CNOT4: variants seen among roughly 807,000 people sequenced by gnomAD.
The protein encoded by CNOT4 is CCR4-associated factor 4.
Under a neutral mutation model 73.8 loss-of-function variants are expected in CNOT4, and 8 were observed. The ratio of observed to expected loss-of-function variants is 0.11; its 90% confidence interval spans 0.06 to 0.20. The LOEUF is 0.20. CNOT4 is among the 10% of genes least tolerant of loss of function. CNOT4 has a pLI of 1.00. For synonymous variants in CNOT4, 293 were observed against 321.1 expected, an observed-to-expected ratio of 0.91 and a Z score of 0.94; for missense variants, 564 against 883.4, an observed-to-expected ratio of 0.64 and a Z score of 4.58.
At chr7:135,461,787 G>A (rs532518304) in intron 1 of CNOT4, among the ~76,000 whole-genome samples, 39 of 152,024 alleles carry the variant, frequency 2.6e-4, no homozygotes, top group Admixed American at 1.6e-3. Context: ...AGCCGAGATC[G>A]CACCACTACA....
At chr7:135,496,188 G>A (rs1803570974) in intron 1 of CNOT4, among the ~76,000 whole-genome samples, 1 of 152,166 alleles carries the variant, frequency 6.6e-6, no homozygotes, top group East Asian at 1.9e-4. Context: ...CACCTCCCGG[G>A]TTCAAGTGAT....
intron 2 of CNOT4, among the ~76,000 whole-genome samples, chr7:135,426,923 CAA>C (rs34873636): frequency 3.1e-4 from 22 of 70,026 alleles, no homozygotes; most frequent in Admixed American, 3.0e-4. Flanking sequence ...AACTCCATCT[CAA>C]AAAAAAAAAA....
intron 10 of CNOT4, among the ~76,000 whole-genome samples, chr7:135,393,109 A>G (rs1161494804): frequency 6.6e-6 from 1 of 152,196 alleles, no homozygotes; most frequent in Non-Finnish European, 1.5e-5. Flanking sequence ...CTCTAAAGCC[A>G]AAGTTAAACG....
At chr7:135,443,782 T>C (rs1334398559) in intron 1 of CNOT4, among the ~76,000 whole-genome samples, 1 of 152,116 alleles carries the variant, frequency 6.6e-6, no homozygotes, top group Non-Finnish European at 1.5e-5. Flanking sequence ...TGTTTGAAAG[T>C]GTCTTATCAC....
At chr7:135,495,682 AAAAAAAAAAAAGAAAGAAAG>A (rs1803461603) in intron 1 of CNOT4, among the ~76,000 whole-genome samples, 4 of 98,196 alleles carry the variant, frequency 4.1e-5, no homozygotes, top group African/African-American at 3.7e-5. Flanking sequence ...AAAAAAAAAA[AAAAAAAAAAAAGAAAGAAAG>A]AAAGAAAGAA....
chr7:135,479,935 T>C (rs1022958509), intron 1 of CNOT4, among the ~76,000 whole-genome samples: 1 of 152,024 alleles, frequency 6.6e-6, no homozygotes, highest in Non-Finnish European at 1.5e-5. Context: ...TTATGTATTT[T>C]ATAATGAGAA....
intron 10 of CNOT4, among the ~76,000 whole-genome samples, chr7:135,381,053 T>C (rs962284436): frequency 2.6e-5 from 4 of 152,184 alleles, no homozygotes; most frequent in African/African-American, 9.6e-5. Flanking sequence ...GCACCAGTAT[T>C]ACAACCTTAT....
At chr7:135,445,669 C>T (rs944443065) in intron 1 of CNOT4, among the ~76,000 whole-genome samples, 23 of 152,086 alleles carry the variant, frequency 1.5e-4, no homozygotes, top group African/African-American at 5.3e-4. Flanking sequence ...GTTATTTTCG[C>T]ACAATGGGAA....
intron 1 of CNOT4, among the ~76,000 whole-genome samples, chr7:135,507,789 T>C (rs1032076791): frequency 9.2e-5 from 14 of 152,116 alleles, no homozygotes; most frequent in Admixed American, 7.9e-4. Context: ...AAGTATATTT[T>C]TTAGAGTTAA....
Position 135,438,437 on chromosome 7 carries a change from A to C in CNOT4, c.-92-14T>G. 1 of 810,806 alleles carries C rather than the reference A, an allele frequency of 1.2e-6. No individual in the cohort carries two copies. Among genetic ancestry groups the C allele is most frequent in the Non-Finnish European group, 1.8e-6 (1 of 551,268 alleles). 50.2% of individuals were successfully genotyped at this position (810,806 alleles called of 1,614,324 possible). A position where few individuals can be genotyped will look rare whatever the true frequency, so the allele number is the denominator to read the frequency against. ...GACTTTGACGACCTGCATGAGAAGA[A>C]ACAAAATACATTGTTTACTACTGGA... On this transcript the variant is annotated splice_polypyrimidine_tract_variant and intron_variant, in intron 1 of 11. Transcript: ENST00000541284.
At chr7:135,427,880 G>A (rs1798593536) in intron 2 of CNOT4, among the ~76,000 whole-genome samples, 2 of 152,086 alleles carry the variant, frequency 1.3e-5, no homozygotes, top group South Asian at 4.1e-4. Flanking sequence ...CAATAAATGG[G>A]GTAGGGAGAG....
intron 1 of CNOT4, among the ~76,000 whole-genome samples, chr7:135,477,738 G>A (rs538590091): frequency 4.6e-5 from 7 of 152,104 alleles, no homozygotes; most frequent in South Asian, 4.2e-4. Flanking sequence ...GGTAACACAC[G>A]CACTTGAACA....
chr7:135,480,932 C>T (rs1802337175), intron 1 of CNOT4, among the ~76,000 whole-genome samples: 1 of 146,192 alleles, frequency 6.8e-6, no homozygotes, highest in African/African-American at 2.5e-5. Context: ...TCTCTCTCAC[C>T]ATATTAAAAA....
intron 6 of CNOT4, among the ~76,000 whole-genome samples, chr7:135,412,436 T>C (rs968367096): frequency 6.6e-6 from 1 of 151,970 alleles, no homozygotes; most frequent in Non-Finnish European, 1.5e-5. Flanking sequence ...GAAATGGTTC[T>C]ACCTTAGATT....
chr7:135,435,184 A>G (rs1799076832), intron 2 of CNOT4, among the ~76,000 whole-genome samples: 1 of 152,212 alleles, frequency 6.6e-6, no homozygotes, highest in African/African-American at 2.4e-5. Context: ...TCACAATTAT[A>G]TAAACAAACA....
intron 1 of CNOT4, among the ~76,000 whole-genome samples, chr7:135,506,294 TAGTTA>T (rs1563089807): frequency 6.6e-6 from 1 of 152,236 alleles, no homozygotes; most frequent in African/African-American, 2.4e-5. Flanking sequence ...TAGTACATTC[TAGTTA>T]TACTGTTTCT....
chr7:135,417,977 C>T (rs1016371888), intron 3 of CNOT4, among the ~76,000 whole-genome samples: 7 of 152,124 alleles, frequency 4.6e-5, no homozygotes, highest in African/African-American at 1.2e-4. Flanking sequence ...TTGTTACTTT[C>T]GTAAAAAGGA....
intron 1 of CNOT4, among the ~76,000 whole-genome samples, chr7:135,472,338 G>A (rs188559055): frequency 0.02 from 2,975 of 148,780 alleles, 108 homozygotes; most frequent in African/African-American, 0.07. Context: ...TTAGCCAGGC[G>A]TGGTGGCGGG....
At chr7:135,491,868 C>A (rs1007615325) in intron 1 of CNOT4, among the ~76,000 whole-genome samples, 2 of 152,100 alleles carry the variant, frequency 1.3e-5, no homozygotes, top group Non-Finnish European at 2.9e-5. Flanking sequence ...ATATAAAGAA[C>A]CTTGGAGAGT....
Sources: allele counts gnomAD v4.1 joint callset (sites outside exome capture counted in the v4.1 genomes callset), GRCh38; gene constraint gnomAD v4.1.1; transcripts MANE v1.5; gene names NCBI Gene and HGNC (gene_info 2026-07-23, HGNC 2026-07-21).